The following CC2D1B variants were observed in gnomAD, a reference collection of about 807,000 sequenced individuals.
CC2D1B encodes coiled-coil and C2 domain-containing protein 1B.
CC2D1B carries 92 observed loss-of-function variants against 110.8 expected under a neutral mutation model. The observed-to-expected ratio is 0.83, with a 90% CI of 0.70 to 0.99. The LOEUF (loss-of-function observed/expected upper bound fraction) is 0.99. Among genes scored for constraint, CC2D1B ranks in the 50% least tolerant of loss-of-function variants. CC2D1B has a pLI of 0.00. For missense variants in CC2D1B, 1,136 were observed against 1,089.0 expected, an observed-to-expected ratio of 1.04 and a Z score of -0.61; for synonymous variants, 406 against 429.2, an observed-to-expected ratio of 0.95 and a Z score of 0.67.
chr1:52,357,547 G>A lies in CC2D1B; in HGVS notation c.1731C>T (p.Gly577=), dbSNP rs765012835. ...TCACCTTGGACAGATCAACAGGTCT[G>A]CCAGATCGGGCCTGGATGATCTGAG... ...LEAQIIQARS[G]RPVDLSKVPS... is the part of the protein sequence containing the mutation. Residue 577 remains glycine, a synonymous_variant, in exon 15 of 25, where the codon GGC becomes GGT. Coordinates refer to ENST00000284376, the MANE Select transcript of CC2D1B (RefSeq NM_001330585.2). 1.9e-6 allele frequency: 3 copies of A among 1,579,468 alleles called. No individual in the cohort carries two copies. The highest frequency in any genetic ancestry group is 2.6e-6 in the Non-Finnish European group (3 of 1,161,186).
chr1:52,353,581 T>A lies in CC2D1B; in HGVS notation c.2497A>T (p.Ser833Cys), dbSNP rs143725276. 6.8e-6 allele frequency: 11 copies of A among 1,613,894 alleles called. No individual in the cohort carries two copies. In the Admixed American group the frequency reaches 1.2e-4, roughly 17 times the overall value. The change falls in exon 24 of 25, where the codon AGT (serine) becomes TGT (cysteine). Residue 833 changes from serine (S) to cysteine (C), a missense_variant. Physicochemically the swap from Ser to Cys is moderately radical, Grantham distance 112. Transcript: ENST00000284376. ...GTGACCATCTGCACATCCTGGCCACTCAGAGGCTCCCGCAGCCTCACCTTC... is the reference window on the plus strand; with the variant it reads ...GTGACCATCTGCACATCCTGGCCACACAGAGGCTCCCGCAGCCTCACCTTC... ...EVKVRLREPL[S>C]GQDVQMVTEN...
intron 2 of CC2D1B, among the ~76,000 whole-genome samples, chr1:52,363,071 T>G (rs1646815994): frequency 6.6e-6 from 1 of 152,198 alleles, no homozygotes. Context: ...CTTAACCACC[T>G]CAGTTAATTC....
chr1:52,354,278 G>C (rs1646592935), intron 23 of CC2D1B: 3 of 510,672 alleles, frequency 5.9e-6, no homozygotes, highest in South Asian at 4.8e-5. Flanking sequence ...GCTCTGCCAA[G>C]GACACACCAT....
chr1:52,361,710 C>T, intron 3 of CC2D1B, 94 bp from the exon 4 acceptor site: 1 of 1,465,096 alleles, frequency 6.8e-7, no homozygotes, highest in Non-Finnish European at 9.5e-7. Context: ...GGCAGAAATC[C>T]CTCTTCCCTC....
In CC2D1B at chr1:52,356,278, G is replaced by A. The variant is rs1451589528; in HGVS notation, c.1962C>T (p.Arg654=). ...GCTGCAGGATCTCCAGCTGTTTCTT[G>A]CGGTCCTGAGCAAGCTTCTCAAATC... is the stretch of plus-strand genomic sequence containing the variant. ...TTRFEKLAQD[R]KKQLEILQLA... Residue 654 remains arginine (R), a synonymous_variant, in exon 18 of 25, where the codon CGC becomes CGT. Coordinates refer to ENST00000284376, the MANE Select transcript of CC2D1B (RefSeq NM_001330585.2). The A allele has an allele frequency of 3.1e-6, 5 of 1,614,056 alleles. No individual in the cohort carries two copies. The African/African-American group carries it at 4.0e-5, about 13-fold the overall frequency.
rs182689024 is a variant in CC2D1B, at chr1:52,356,985, C to T, written c.1878+16G>A. The T allele has an allele frequency of 3.5e-5, 54 of 1,549,430 alleles. No homozygotes were observed. Among genetic ancestry groups the T allele is most frequent in the East Asian group, 4.9e-5 (2 of 40,896 alleles). The stretch of plus-strand genomic sequence containing the variant: ...TGTGGGCACAGAGGGGAGGAACAGA[C>T]GAGGGGCCTGCTGACCTCTTGTTGC... On this transcript the variant is annotated intron_variant, in intron 16 of 24. Coordinates refer to ENST00000284376, the MANE Select transcript of CC2D1B (RefSeq NM_001330585.2).
intron 15 of CC2D1B, 61 bp downstream of exon 15, chr1:52,357,465 C>T: frequency 6.6e-7 from 1 of 1,509,408 alleles, no homozygotes; most frequent in Non-Finnish European, 8.9e-7. Flanking sequence ...CACAGCCTGT[C>T]AAGCCTGCCA....
chr1:52,353,210 G>A lies in CC2D1B; in HGVS notation c.*15C>T, dbSNP rs768543612. 3.7e-6 allele frequency: 5 copies of A among 1,349,390 alleles called. No individual in the cohort carries two copies. The South Asian group carries it at 4.9e-5, about 13-fold the overall frequency. The allele number at this position is 1,349,390 out of a possible 1,614,324, so 83.6% of individuals were successfully genotyped here. On this transcript the variant is annotated 3_prime_UTR_variant, in exon 25 of 25. Transcript: ENST00000284376. ...CAGTCGCGGCCTGACTCCTCTCCTG[G>A]TGCTGGCCATCGGCTACACAGGGGT...
At chr1:52,354,031 C>G (rs1569822028) in intron 23 of CC2D1B, among the ~76,000 whole-genome samples, 1 of 152,258 alleles carries the variant, frequency 6.6e-6, no homozygotes, top group East Asian at 1.9e-4. Context: ...CACTGGAACC[C>G]CAAACCCAGG....
intron 1 of CC2D1B, among the ~76,000 whole-genome samples, chr1:52,365,381 G>A (rs1256658887): frequency 6.6e-6 from 1 of 152,268 alleles, no homozygotes; most frequent in East Asian, 1.9e-4. Context: ...CTCCTCCTTC[G>A]AGGCGGTGAC....
rs774584353 is a variant in CC2D1B at position 52,356,400 on chromosome 1, C to T, written c.1921G>A (p.Val641Met). The T allele has an allele frequency of 6.8e-6, 11 of 1,614,142 alleles. No homozygotes were observed. In the South Asian group the frequency reaches 8.8e-5, roughly 13 times the overall value. Residue 641 changes from valine (V) to methionine (M), a missense_variant, in exon 17 of 25, where the codon GTG becomes ATG. By Grantham distance (21) the Val-to-Met change is conservative. Coordinates refer to ENST00000284376, the MANE Select transcript of CC2D1B (RefSeq NM_001330585.2). The part of the protein sequence containing the change: ...FSKQFMHQGN[V>M]AETTRFEKLA... Reference sequence around the variant, plus strand: ...TGCACTTACCGGGTGGTCTCAGCCACGTTGCCCTGGTGCATGAACTGCTTG... The same window carrying T: ...TGCACTTACCGGGTGGTCTCAGCCATGTTGCCCTGGTGCATGAACTGCTTG...
At chr1:52,358,630 C>T in intron 12 of CC2D1B, 56 bp downstream of exon 12, 1 of 1,587,132 alleles carries the variant, frequency 6.3e-7, no homozygotes, top group Non-Finnish European at 8.6e-7. Flanking sequence ...GTCCCCCATT[C>T]CCTTCTTGCC....
intron 2 of CC2D1B, among the ~76,000 whole-genome samples, chr1:52,363,366 G>T (rs866146085): frequency 1.4e-5 from 2 of 147,710 alleles, no homozygotes; most frequent in African/African-American, 5.0e-5. Context: ...CTGCACTCCA[G>T]CCTGGGCGAC....
At chr1:52,363,680 C>CTT (rs772479076) in intron 2 of CC2D1B, among the ~76,000 whole-genome samples, 15 of 140,828 alleles carry the variant, frequency 1.1e-4, no homozygotes, top group Non-Finnish European at 1.2e-4. Context: ...GAGGTACATC[C>CTT]TTTTTTTTTT....
chr1:52,354,754 C>CACA (rs1393153364), intron 22 of CC2D1B, 56 bp from the exon 23 acceptor site: 58 of 1,603,662 alleles, frequency 3.6e-5, no homozygotes, highest in Middle Eastern at 1.7e-4. Context: ...CAGGAATGTG[C>CACA]TGGCTGAGCC....
rs1242310131 is a variant in CC2D1B at position 52,352,025 on chromosome 1, G to A, written c.*1200C>T. 4 of 152,226 alleles carry A rather than the reference G, an allele frequency of 2.6e-5. No individual in the cohort carries two copies. Among genetic ancestry groups the A allele is most frequent in the African/African-American group, 9.6e-5 (4 of 41,534 alleles). 9.4% of individuals were successfully genotyped at this position (152,226 alleles called of 1,614,324 possible). On this transcript the variant is annotated 3_prime_UTR_variant, in exon 25 of 25. Coordinates refer to ENST00000284376, the MANE Select transcript of CC2D1B (RefSeq NM_001330585.2). ...GTCCAGCCCTGTTATCCCCCAAAAGGACACATACAAAGCTCAGTTCTTGAG... is the reference window on the plus strand; with the variant it reads ...GTCCAGCCCTGTTATCCCCCAAAAGAACACATACAAAGCTCAGTTCTTGAG...
Position 52,361,518 on chromosome 1 carries a change from G to A in CC2D1B, c.313C>T (p.Leu105=), listed in dbSNP as rs778355832. 19 of 1,613,886 alleles carry A rather than the reference G, an allele frequency of 1.2e-5. No individual in the cohort carries two copies. In the East Asian group the frequency reaches 3.3e-4, roughly 28 times the overall value. The stretch of plus-strand genomic sequence containing the variant: ...TACCAGCCTGGCAGACACACCAGCA[G>A]CTCTGCATCTTCCTCCAGCCCTTCC... The part of the protein sequence containing the change: ...EEEGLEEDAE[L]LTELQEVLGV... Residue 105 remains leucine, a synonymous_variant, in exon 4 of 25, where the codon CTG becomes TTG. Coordinates refer to ENST00000284376, the MANE Select transcript of CC2D1B (RefSeq NM_001330585.2).
chr1:52,365,808 G>T (rs1219026058), intron 1 of CC2D1B, among the ~76,000 whole-genome samples: 1 of 152,194 alleles, frequency 6.6e-6, no homozygotes, highest in South Asian at 2.1e-4. Context: ...AGGAGCTGGC[G>T]GGCGCTCCGG....
chr1:52,358,632 C>A, intron 12 of CC2D1B, 54 bp downstream of exon 12: 1 of 1,593,054 alleles, frequency 6.3e-7, no homozygotes. Context: ...CCCCCATTCC[C>A]TTCTTGCCCA....
Sources: gnomAD v4.1 joint callset for allele counts (sites outside exome capture counted in the v4.1 genomes callset) on GRCh38, gnomAD v4.1.1 for gene constraint, MANE v1.5 for transcripts, NCBI Gene and HGNC (gene_info 2026-07-23, HGNC 2026-07-21) for gene names.